Variants in RTTN observed in about 807,000 individuals in gnomAD.
RTTN encodes rotatin.
RTTN carries 182 observed loss-of-function variants against 269.2 expected under a neutral mutation model. The ratio of observed to expected loss-of-function variants is 0.68; its 90% CI spans 0.60 to 0.76. The LOEUF is 0.76. Among genes scored for constraint, RTTN ranks in the 30% least tolerant of loss-of-function variants. The pLI, the probability that RTTN is intolerant of heterozygous loss-of-function variation, is 0.00. For synonymous variants in RTTN, 1,006 were observed against 963.5 expected, an observed-to-expected ratio of 1.04 and a Z score of -0.82; for missense variants, 2,545 against 2,608.6, an observed-to-expected ratio of 0.98 and a Z score of 0.53.
At chr18:70,143,183 T>C (rs1167962212) in intron 18 of RTTN, among the ~76,000 whole-genome samples, 2 of 152,212 alleles carry the variant, frequency 1.3e-5, no homozygotes, top group Non-Finnish European at 2.9e-5. Flanking sequence ...TGTTCTGTCC[T>C]TTGTCCACTT....
intron 30 of RTTN, among the ~76,000 whole-genome samples, chr18:70,090,971 C>T (rs570491152): frequency 6.6e-6 from 1 of 152,272 alleles, no homozygotes; most frequent in South Asian, 2.1e-4. Flanking sequence ...ATCACTTCTT[C>T]CTTTTTTTCC....
intron 23 of RTTN, among the ~76,000 whole-genome samples, chr18:70,133,338 T>C (rs1422083168): frequency 3.3e-5 from 5 of 152,150 alleles, no homozygotes; most frequent in East Asian, 1.9e-4. Context: ...ATGGTAGGAA[T>C]GTAAATCAGC....
intron 30 of RTTN, among the ~76,000 whole-genome samples, chr18:70,089,996 A>G (rs1482998601): frequency 6.6e-6 from 1 of 152,246 alleles, no homozygotes; most frequent in East Asian, 1.9e-4. Flanking sequence ...TAAAGAGAAC[A>G]TGGAGGGTGT....
intron 15 of RTTN, 176 bp from the exon 16 acceptor site, chr18:70,150,263 T>C (rs529672661): frequency 3.8e-5 from 22 of 582,546 alleles, no homozygotes; most frequent in Non-Finnish European, 6.4e-5. Flanking sequence ...TCTTCCTTAA[T>C]ATTTCTAATT....
At chr18:70,103,620 G>T (rs575303751) in intron 28 of RTTN, among the ~76,000 whole-genome samples, 1 of 151,884 alleles carries the variant, frequency 6.6e-6, no homozygotes. Context: ...CAGACACTGC[G>T]GAAGGCCACA....
In RTTN at chr18:70,148,764, G is replaced by A. The variant is rs140378955; in HGVS notation, c.2309+137C>T. The stretch of plus-strand genomic sequence containing the variant: ...AGACCTTGTATCTGCTTAGTTTCAC[G>A]CATTGGTTTCCTCTAGTAATGGAAT... On this transcript the variant is annotated intron_variant, in intron 17 of 48. Transcript: ENST00000640769. The A allele has an allele frequency of 3.0e-4, 289 of 959,554 alleles. 2 individuals carry two copies. The African/African-American group carries it at 4.1e-3, about 14-fold the overall frequency. The allele number at this position is 959,554 out of a possible 1,614,324, so 59.4% of individuals were successfully genotyped here. A position where few individuals can be genotyped will look rare whatever the true frequency, so the allele number is the denominator to read the frequency against.
intron 31 of RTTN, among the ~76,000 whole-genome samples, chr18:70,087,137 GC>G (rs1457733299): frequency 6.6e-6 from 1 of 151,698 alleles, no homozygotes; most frequent in Non-Finnish European, 1.5e-5. Context: ...ATAAAAACTT[GC>G]TAACTAGAAA....
At chr18:70,197,586 C>T (rs116130278) in intron 6 of RTTN, 38 bp downstream of exon 6, 21 of 1,337,298 alleles carry the variant, frequency 1.6e-5, no homozygotes, top group Middle Eastern at 1.8e-4. Flanking sequence ...AAAAAGTTCT[C>T]TAGTTCAAAA....
chr18:70,032,586 G>T (rs1410769881), intron 40 of RTTN, among the ~76,000 whole-genome samples: 3 of 152,142 alleles, frequency 2.0e-5, no homozygotes, highest in African/African-American at 4.8e-5. Context: ...ACAAAGAAGG[G>T]CATTACAAAT....
chr18:70,041,392 A>ACT (rs909894795), intron 40 of RTTN, among the ~76,000 whole-genome samples: 1 of 151,484 alleles, frequency 6.6e-6, no homozygotes, highest in Admixed American at 6.6e-5. Flanking sequence ...ACACACACAC[A>ACT]CACACACACA....
intron 32 of RTTN, among the ~76,000 whole-genome samples, chr18:70,084,133 G>A (rs2145161822): frequency 6.6e-6 from 1 of 152,092 alleles, no homozygotes; most frequent in African/African-American, 2.4e-5. Flanking sequence ...TAAAGAGAAT[G>A]CTTCAGAAAG....
chr18:70,028,830 G>C lies in RTTN; in HGVS notation c.5746-29C>G, dbSNP rs777129883. ...TTTAAACAAAAAGCAGTTGAAAACTGTGAATGCAACAGCATACTTCACTTT... is the reference window on the plus strand; with the variant it reads ...TTTAAACAAAAAGCAGTTGAAAACTCTGAATGCAACAGCATACTTCACTTT... On this transcript the variant is annotated intron_variant, in intron 42 of 48. Transcript: ENST00000640769. 3 of 1,477,498 alleles carry C rather than the reference G, an allele frequency of 2.0e-6. No homozygotes were observed. In the South Asian group the frequency reaches 3.4e-5, roughly 17 times the overall value. The allele number at this position is 1,477,498 out of a possible 1,614,324, so 91.5% of individuals were successfully genotyped here. A position where few individuals can be genotyped will look rare whatever the true frequency, so the allele number is the denominator to read the frequency against.
chr18:70,092,794 G>T lies in RTTN; in HGVS notation c.3914C>A (p.Ser1305Tyr). 6.2e-7 allele frequency: 1 copy of T among 1,607,908 alleles called. No homozygotes were observed. The highest frequency in any genetic ancestry group is 8.5e-7 in the Non-Finnish European group (1 of 1,175,564). Reference protein sequence around the residue: ...YLSGLLEVITSFYVERGGNAM... With the variant: ...YLSGLLEVITYFYVERGGNAM... ...ATTTCCTCCACGCTCCACATAAAAA[G>T]AAGTAATGACCTGAAAAACAAATGT... The change falls in exon 29 of 49, where the codon TCT (serine) becomes TAT (tyrosine). Residue 1305 changes from serine (S) to tyrosine (Y), a missense_variant. Coordinates refer to ENST00000640769, the MANE Select transcript of RTTN (RefSeq NM_173630.4).
intron 40 of RTTN, among the ~76,000 whole-genome samples, chr18:70,046,126 G>C (rs1036378956): frequency 2.0e-5 from 3 of 151,938 alleles, no homozygotes; most frequent in Non-Finnish European, 4.4e-5. Flanking sequence ...TGCATCATGA[G>C]TCTCATCAGA....
At chr18:70,009,663 C>T (rs1190388587) in intron 46 of RTTN, among the ~76,000 whole-genome samples, 2 of 152,148 alleles carry the variant, frequency 1.3e-5, no homozygotes, top group East Asian at 1.9e-4. Context: ...TATGAAGAAA[C>T]TGCATCAACT....
At position 70,135,293 on chromosome 18, in the gene RTTN, A is replaced by C. The variant is rs377035923; in HGVS notation, c.2789-13T>G. The C allele has an allele frequency of 7.2e-7, 1 of 1,398,582 alleles. No individual in the cohort carries two copies. Among genetic ancestry groups the C allele is most frequent in the Non-Finnish European group, 9.8e-7 (1 of 1,019,220 alleles). 86.6% of individuals were successfully genotyped at this position (1,398,582 alleles called of 1,614,324 possible). On this transcript the variant is annotated splice_polypyrimidine_tract_variant and intron_variant, in intron 21 of 48. Coordinates refer to ENST00000640769, the MANE Select transcript of RTTN (RefSeq NM_173630.4). ...AATATTAAGGAAACTGAATAAAAAG[A>C]AGCACAACTTTATGAAATATTTGTA... is the stretch of plus-strand genomic sequence containing the variant.
chr18:70,057,910 G>T, intron 36 of RTTN, 78 bp from the exon 37 acceptor site: 1 of 1,004,352 alleles, frequency 1.0e-6, no homozygotes, highest in Non-Finnish European at 1.5e-6. Flanking sequence ...AGAATTTGAA[G>T]TTTAAAGGTA....
intron 14 of RTTN, among the ~76,000 whole-genome samples, chr18:70,164,462 C>T (rs2060934508): frequency 6.6e-6 from 1 of 151,922 alleles, no homozygotes; most frequent in Non-Finnish European, 1.5e-5. Context: ...GATCCTCCTG[C>T]TTTGGCCTTC....
chr18:70,133,998 T>C (rs1397338004), intron 23 of RTTN, among the ~76,000 whole-genome samples: 20 of 152,148 alleles, frequency 1.3e-4, no homozygotes, highest in Admixed American at 1.2e-3. Flanking sequence ...CACCATGTTA[T>C]AGAATTATTT....
Sources: allele counts gnomAD v4.1 joint callset (sites outside exome capture counted in the v4.1 genomes callset), GRCh38; gene constraint gnomAD v4.1.1; transcripts MANE v1.5; gene names NCBI Gene and HGNC (gene_info 2026-07-23, HGNC 2026-07-21).